Variants in BTBD7 observed in about 807,000 individuals in gnomAD.
BTBD7 encodes the protein BTB/POZ domain-containing protein 7.
A neutral mutation model predicts 99.9 loss-of-function variants in BTBD7; 38 were observed. The ratio of observed to expected loss-of-function variants is 0.38; its 90% confidence interval spans 0.29 to 0.50. BTBD7 has a LOEUF of 0.50. BTBD7 is among the 20% of genes least tolerant of loss of function. BTBD7 has a pLI of 0.93. For missense variants in BTBD7, 1,170 were observed against 1,394.6 expected, an observed-to-expected ratio of 0.84 and a Z score of 2.57; for synonymous variants, 520 against 511.4, an observed-to-expected ratio of 1.02 and a Z score of -0.23.
intron 1 of BTBD7, among the ~76,000 whole-genome samples, chr14:93,308,299 AAAAAAG>A (rs2053095467): frequency 9.4e-6 from 1 of 106,018 alleles, no homozygotes; most frequent in East Asian, 4.1e-4. Context: ...AAAAAAAAAA[AAAAAAG>A]AAAAGAAAAG....
chr14:93,251,312 C>G (rs760280247), intron 8 of BTBD7, 151 bp downstream of exon 8: 2 of 854,594 alleles, frequency 2.3e-6, no homozygotes, highest in Non-Finnish European at 3.4e-6. Flanking sequence ...AAAGTTTTGG[C>G]TTAAAAGTGT....
rs2053168423 is a variant in BTBD7, at chr14:93,313,854, C to T, written c.-106-17697G>A. Among the ~76,000 whole-genome samples, 3 of 152,260 alleles carry T rather than the reference C, an allele frequency of 2.0e-5. No individual in the cohort carries two copies. In the South Asian group the frequency reaches 6.2e-4, roughly 32 times the overall value. On this transcript the variant is annotated intron_variant, in intron 1 of 10. Coordinates refer to ENST00000334746, the MANE Select transcript of BTBD7 (RefSeq NM_001002860.4). ...GCTCAAGCAATCCTCCTGCCCCAGC[C>T]TCCCAAGTAGCTAGGACTATAGGTG...
In BTBD7 at chr14:93,241,265, C is replaced by G. The variant is rs1172695304; in HGVS notation, c.*1008G>C. 4 of 152,148 alleles carry G rather than the reference C, an allele frequency of 2.6e-5. No homozygotes were observed. The highest frequency in any genetic ancestry group is 9.7e-5 in the African/African-American group (4 of 41,396). The allele number at this position is 152,148 out of a possible 1,614,324, so 9.4% of individuals were successfully genotyped here. A position where few individuals can be genotyped will look rare whatever the true frequency, so the allele number is the denominator to read the frequency against. On this transcript the variant is annotated 3_prime_UTR_variant, in exon 11 of 11. Transcript: ENST00000334746. ...CTCAAGCGATCCTGCCACCTCAGCC[C>G]CCCAAGTAGCTGGGACTACAGGCAC...
At chr14:93,260,574 C>A (rs2052475918) in intron 5 of BTBD7, among the ~76,000 whole-genome samples, 1 of 146,224 alleles carries the variant, frequency 6.8e-6, no homozygotes, top group Admixed American at 6.8e-5. Context: ...TTTTTTGAGA[C>A]GAAGTTTTGC....
chr14:93,268,272 C>T (rs949156006), intron 3 of BTBD7, among the ~76,000 whole-genome samples: 1 of 152,174 alleles, frequency 6.6e-6, no homozygotes, highest in Non-Finnish European at 1.5e-5. Context: ...AGCCTTAGGT[C>T]AGGTGTTCCT....
chr14:93,276,541 T>C (rs951412004), intron 3 of BTBD7, among the ~76,000 whole-genome samples: 1 of 152,310 alleles, frequency 6.6e-6, no homozygotes, highest in African/African-American at 2.4e-5. Flanking sequence ...CTATGGAAGC[T>C]GCCAGAAGTT....
chr14:93,290,999 T>TTG (rs1479710155), intron 3 of BTBD7, among the ~76,000 whole-genome samples: 4 of 144,488 alleles, frequency 2.8e-5, no homozygotes, highest in Non-Finnish European at 6.1e-5. Flanking sequence ...TTTTTTTTTT[T>TTG]TTTTTTTTTT....
chr14:93,252,708 G>A (rs2052382873), intron 7 of BTBD7, among the ~76,000 whole-genome samples: 1 of 151,884 alleles, frequency 6.6e-6, no homozygotes, highest in African/African-American at 2.4e-5. Flanking sequence ...CAACTTGATT[G>A]TATACTCATT....
chr14:93,237,766 A>T lies in BTBD7; in HGVS notation c.*4507T>A, dbSNP rs1430659462. On this transcript the variant is annotated 3_prime_UTR_variant, in exon 11 of 11. Coordinates refer to ENST00000334746, the MANE Select transcript of BTBD7 (RefSeq NM_001002860.4). ...AATACTATATATTTCTTTAAAAATC[A>T]CTATGTACAATTGAAGCGTAAACAA... The T allele has an allele frequency of 6.5e-6, 1 of 152,680 alleles. No homozygotes were observed. Among genetic ancestry groups the T allele is most frequent in the East Asian group, 1.9e-4 (1 of 5,208 alleles). 9.5% of individuals were successfully genotyped at this position (152,680 alleles called of 1,614,324 possible).
At chr14:93,309,178 T>C (rs2053108053) in intron 1 of BTBD7, among the ~76,000 whole-genome samples, 1 of 152,184 alleles carries the variant, frequency 6.6e-6, no homozygotes, top group South Asian at 2.1e-4. Context: ...AAGGGCTTTT[T>C]CATGTGTTAA....
intron 6 of BTBD7, 134 bp downstream of exon 6, chr14:93,257,060 AG>A: frequency 1.2e-6 from 1 of 834,896 alleles, no homozygotes. Context: ...CGTACACAAT[AG>A]ACATCTGTCT....
chr14:93,329,099 C>T (rs1429218457), intron 1 of BTBD7, among the ~76,000 whole-genome samples: 1 of 151,938 alleles, frequency 6.6e-6, no homozygotes, highest in Non-Finnish European at 1.5e-5. Flanking sequence ...AGGCAGCCTA[C>T]AGAATGGGAG....
chr14:93,305,584 G>A (rs2053060508), intron 1 of BTBD7, among the ~76,000 whole-genome samples: 1 of 152,152 alleles, frequency 6.6e-6, no homozygotes, highest in South Asian at 2.1e-4. Context: ...CTTGTTCTGT[G>A]CTACCCACTT....
chr14:93,267,020 T>C (rs962628507), intron 3 of BTBD7, among the ~76,000 whole-genome samples: 4 of 152,182 alleles, frequency 2.6e-5, no homozygotes, highest in African/African-American at 9.6e-5. Context: ...GGCCTGTTGT[T>C]TTAAAGTGGG....
intron 3 of BTBD7, among the ~76,000 whole-genome samples, chr14:93,281,115 T>C (rs950920439): frequency 5.9e-5 from 9 of 151,882 alleles, no homozygotes; most frequent in Non-Finnish European, 5.9e-5. Context: ...ATCCTCCCAC[T>C]TCAGCCTCCC....
chr14:93,306,588 G>C (rs888538111), intron 1 of BTBD7, among the ~76,000 whole-genome samples: 1 of 152,006 alleles, frequency 6.6e-6, no homozygotes, highest in Non-Finnish European at 1.5e-5. Context: ...ATTCTCCCAA[G>C]ATAATTCATT....
At position 93,294,256 on chromosome 14, in the gene BTBD7, G is replaced by A. The variant is rs2052895438; in HGVS notation, c.764C>T (p.Ser255Leu). 1 of 1,613,870 alleles carries A rather than the reference G, an allele frequency of 6.2e-7. No individual in the cohort carries two copies. The highest frequency in any genetic ancestry group is 1.1e-5 in the South Asian group (1 of 91,034). Residue 255 changes from serine to leucine, a missense_variant, in exon 3 of 11, where the codon TCA (serine) becomes TTA (leucine). Ser to Leu is a moderately radical substitution (Grantham distance 145). Transcript: ENST00000334746. ...AAAAGCTTCAACCAGTTCAGAGTCT[G>A]AAGAAAAACTAAGGACGACATCATA... ...CYYDVVLSFS[S>L]DSELVEAFGG...
At chr14:93,321,360 A>T (rs1050251913) in intron 1 of BTBD7, among the ~76,000 whole-genome samples, 2 of 152,226 alleles carry the variant, frequency 1.3e-5, no homozygotes, top group Non-Finnish European at 2.9e-5. Context: ...TCAGAGGCCT[A>T]GGCGGGTGGA....
intron 3 of BTBD7, among the ~76,000 whole-genome samples, chr14:93,284,095 T>C (rs974184338): frequency 6.6e-6 from 1 of 152,230 alleles, no homozygotes; most frequent in Non-Finnish European, 1.5e-5. Flanking sequence ...ATTTGAGATA[T>C]ATAATTAGTT....
Sources: gnomAD v4.1 joint callset for allele counts (sites outside exome capture counted in the v4.1 genomes callset) on GRCh38, gnomAD v4.1.1 for gene constraint, MANE v1.5 for transcripts, NCBI Gene and HGNC (gene_info 2026-07-23, HGNC 2026-07-21) for gene names.